The following ZNF423 variants were observed in gnomAD, a reference collection of about 807,000 sequenced individuals.
ZNF423 encodes the protein zinc finger protein 423.
A neutral mutation model predicts 95.8 loss-of-function variants in ZNF423; 12 were observed. The observed-to-expected ratio is 0.13, with a 90% CI of 0.08 to 0.20. ZNF423 has a LOEUF of 0.20. Ranked by LOEUF, ZNF423 falls within the 10% of genes least tolerant of loss-of-function variation. The pLI is 1.00. For synonymous variants in ZNF423, 749 were observed against 711.9 expected, an observed-to-expected ratio of 1.05 and a Z score of -0.83; for missense variants, 1,316 against 1,737.1, an observed-to-expected ratio of 0.76 and a Z score of 4.31.
chr16:49,783,784 A>C (rs1314319210), intron 2 of ZNF423, among the ~76,000 whole-genome samples: 1 of 152,014 alleles, frequency 6.6e-6, no homozygotes, highest in Non-Finnish European at 1.5e-5. Context: ...ATCCTGGCCA[A>C]CATGGTGAAA....
rs548622590 is a variant in ZNF423 at position 49,504,764 on chromosome 16, T to C, written c.3850-13460A>G. On this transcript the variant is annotated intron_variant, in intron 7 of 7. Transcript: ENST00000563137. ...CCAGGACAACATGCCACCAGCTGAG[T>C]GCAAGCAGAGGGGCTTTCTCTGTGC... 3.3e-5 allele frequency among the ~76,000 whole-genome samples: 5 copies of C among 152,108 alleles called. No individual in the cohort carries two copies. In the South Asian group the frequency reaches 1.0e-3, roughly 32 times the overall value.
At position 49,739,646 on chromosome 16, in the gene ZNF423, T is replaced by A. The variant is rs928105579; in HGVS notation, c.101-8675A>T. Among the ~76,000 whole-genome samples the A allele has an allele frequency of 1.1e-3, 171 of 151,860 alleles. 2 individuals are homozygous for A. Among genetic ancestry groups the A allele is most frequent in the African/African-American group, 4.0e-3 (164 of 41,400 alleles). Reference sequence around the variant, plus strand: ...ACGGTCCAGGAAGATACCTACCATTTCCAAAGTCTTTACCCTGGAGCAACA... The same window carrying A: ...ACGGTCCAGGAAGATACCTACCATTACCAAAGTCTTTACCCTGGAGCAACA... On this transcript the variant is annotated intron_variant, in intron 2 of 7. Coordinates refer to ENST00000563137, the MANE Select transcript of ZNF423 (RefSeq NM_001379286.1).
At position 49,574,822 on chromosome 16, in the gene ZNF423, C is replaced by T. The variant is rs184699824; in HGVS notation, c.3602-49328G>A. Among the ~76,000 whole-genome samples, 805 of 152,312 alleles carry T rather than the reference C, an allele frequency of 5.3e-3. 4 individuals are homozygous for T. Among genetic ancestry groups the T allele is most frequent in the Middle Eastern group, 0.014 (4 of 294 alleles). ...CCTGTGTGCTGCCTGCCCCTGCTGCCCTCAGAACAGCTGTGGGCTTAATTA... is the reference window on the plus strand; with the variant it reads ...CCTGTGTGCTGCCTGCCCCTGCTGCTCTCAGAACAGCTGTGGGCTTAATTA... On this transcript the variant is annotated intron_variant, in intron 5 of 7. Transcript: ENST00000563137.
At chr16:49,798,361 A>G (rs938084521) in intron 1 of ZNF423, among the ~76,000 whole-genome samples, 1 of 152,156 alleles carries the variant, frequency 6.6e-6, no homozygotes, top group African/African-American at 2.4e-5. Flanking sequence ...TACAAAAATT[A>G]GCTGGGTGTG....
chr16:49,746,454 C>A (rs929571078), intron 2 of ZNF423, among the ~76,000 whole-genome samples: 4 of 152,112 alleles, frequency 2.6e-5, no homozygotes, highest in Non-Finnish European at 5.9e-5. Context: ...ATCTGCTCAC[C>A]TACTGCTATT....
chr16:49,833,530 T>A (rs550904981), intron 1 of ZNF423, among the ~76,000 whole-genome samples: 2 of 152,170 alleles, frequency 1.3e-5, no homozygotes, highest in Admixed American at 6.5e-5. Flanking sequence ...ACAAGACACA[T>A]TCGAGTGAGG....
rs768277837 is a variant in ZNF423 at position 49,636,233 on chromosome 16, C to T, written c.2943G>A (p.Thr981=). 5.1e-5 allele frequency: 83 copies of T among 1,612,908 alleles called. No individual in the cohort carries two copies. Among genetic ancestry groups the T allele is most frequent in the Non-Finnish European group, 6.5e-5 (77 of 1,179,986 alleles). The part of the protein sequence containing the change: ...ICGERFPSLL[T]LTEHKVTHSK... ...TGTGGGTCACCTTGTGTTCGGTGAGCGTCAGCAGCGAAGGGAAGCGCTCAC... is the reference window on the plus strand; with the variant it reads ...TGTGGGTCACCTTGTGTTCGGTGAGTGTCAGCAGCGAAGGGAAGCGCTCAC... The change falls in exon 4 of 8, where the codon ACG becomes ACA. Residue 981 remains threonine, a synonymous_variant. Coordinates refer to ENST00000563137, the MANE Select transcript of ZNF423 (RefSeq NM_001379286.1). This position sits in a 1 kb window ranked among gnomAD's most constrained non-coding sequence, Gnocchi z 8.6.
chr16:49,626,147 G>T, intron 5 of ZNF423, 23 bp downstream of exon 5: 1 of 1,609,936 alleles, frequency 6.2e-7, no homozygotes. Context: ...CTCCAGCATG[G>T]CTGGGAGGAA....
intron 3 of ZNF423, among the ~76,000 whole-genome samples, chr16:49,660,977 T>C (rs1341775992): frequency 2.0e-5 from 3 of 152,042 alleles, no homozygotes; most frequent in Non-Finnish European, 4.4e-5. Flanking sequence ...TCCCAGCACT[T>C]TGGGAGGCCA....
chr16:49,760,915 A>AAC (rs112034770), intron 2 of ZNF423, among the ~76,000 whole-genome samples: 100,654 of 148,178 alleles, frequency 0.68, 34,432 homozygotes, highest in African/African-American at 0.78. Context: ...ACCTCCCTCC[A>AAC]ACACACACAC....
Position 49,841,922 on chromosome 16 carries a change from G to C in ZNF423, c.40+13813C>G, listed in dbSNP as rs1415573996. 3.9e-5 allele frequency among the ~76,000 whole-genome samples: 6 copies of C among 152,164 alleles called. No individual in the cohort carries two copies. The South Asian group carries it at 1.2e-3, about 31-fold the overall frequency. On this transcript the variant is annotated intron_variant, in intron 1 of 7. Coordinates refer to ENST00000563137, the MANE Select transcript of ZNF423 (RefSeq NM_001379286.1). ...AATGCCCATATCTCCAAGCTCTATA[G>C]TGCAGTGACCCTTCAGAAGAAGAAA...
chr16:49,828,595 T>C (rs1454121024), intron 1 of ZNF423, among the ~76,000 whole-genome samples: 3 of 152,232 alleles, frequency 2.0e-5, no homozygotes, highest in Admixed American at 6.5e-5. Flanking sequence ...TTTGAGGGAC[T>C]TGGGGAGACC....
chr16:49,752,307 C>T (rs2033647846), intron 2 of ZNF423, among the ~76,000 whole-genome samples: 1 of 152,242 alleles, frequency 6.6e-6, no homozygotes, highest in Non-Finnish European at 1.5e-5. Context: ...TCCCCCACCC[C>T]ACATGGCTTG....
intron 2 of ZNF423, among the ~76,000 whole-genome samples, chr16:49,737,961 T>C (rs1164621703): frequency 6.6e-6 from 1 of 152,190 alleles, no homozygotes; most frequent in African/African-American, 2.4e-5. Flanking sequence ...GTCCCACCTC[T>C]GGGGCCACAT....
At chr16:49,514,850 C>G (rs1186027419) in intron 7 of ZNF423, among the ~76,000 whole-genome samples, 1 of 152,218 alleles carries the variant, frequency 6.6e-6, no homozygotes. Context: ...GTCCAACACC[C>G]CAAAACCATC....
intron 3 of ZNF423, among the ~76,000 whole-genome samples, chr16:49,693,786 G>A (rs1039258508): frequency 1.3e-5 from 2 of 152,204 alleles, no homozygotes; most frequent in African/African-American, 4.8e-5. Flanking sequence ...GAGCCTGGCA[G>A]AGAATGAAGC....
intron 2 of ZNF423, among the ~76,000 whole-genome samples, chr16:49,787,698 A>AC (rs905642377): frequency 6.6e-6 from 1 of 150,772 alleles, no homozygotes; most frequent in African/African-American, 2.4e-5. Context: ...GGTGCTTGAC[A>AC]CCCCCCCTGC....
intron 2 of ZNF423, among the ~76,000 whole-genome samples, chr16:49,740,003 C>T (rs930690976): frequency 5.3e-5 from 8 of 151,808 alleles, no homozygotes; most frequent in Non-Finnish European, 8.8e-5. Flanking sequence ...GGATTACAGG[C>T]GCCTGCCAAC....
At chr16:49,697,395 G>C (rs1438514106) in intron 3 of ZNF423, among the ~76,000 whole-genome samples, 1 of 152,056 alleles carries the variant, frequency 6.6e-6, no homozygotes, top group African/African-American at 2.4e-5. Context: ...TCTAATAGGA[G>C]GGCTCACTCC....
Sources: allele counts gnomAD v4.1 joint callset (sites outside exome capture counted in the v4.1 genomes callset), GRCh38; gene constraint gnomAD v4.1.1; non-coding constraint Gnocchi (gnomAD v3.1); transcripts MANE v1.5; gene names NCBI Gene and HGNC (gene_info 2026-07-23, HGNC 2026-07-21).